PRPF18: variants seen among roughly 807,000 people sequenced by gnomAD.
The protein encoded by PRPF18 is pre-mRNA-splicing factor 18.
PRPF18 carries 38 observed loss-of-function variants against 46.5 expected under a neutral mutation model. The ratio of observed to expected loss-of-function variants is 0.82; its 90% CI spans 0.63 to 1.07. The LOEUF is 1.07. Among genes scored for constraint, PRPF18 ranks in the 50% least tolerant of loss-of-function variants. The pLI, the probability that PRPF18 is intolerant of heterozygous loss-of-function variation, is 0.00. For missense variants in PRPF18, 263 were observed against 410.0 expected, an observed-to-expected ratio of 0.64 and a Z score of 3.10; for synonymous variants, 152 against 146.7, an observed-to-expected ratio of 1.04 and a Z score of -0.26.
chr10:13,638,299 CTTTT>C, the PRPF18 span, among the ~76,000 whole-genome samples: 1 of 125,034 alleles, frequency 8.0e-6, no homozygotes. Context: ...CTTGGCTTTT[CTTTT>C]TTTTTTTTTT....
At chr10:13,592,912 A>G (rs2079985696) in intron 1 of PRPF18, among the ~76,000 whole-genome samples, 1 of 152,264 alleles carries the variant, frequency 6.6e-6, no homozygotes, top group Non-Finnish European at 1.5e-5. Context: ...TAGCGCTGGC[A>G]TAAAGAGCAA....
chr10:13,635,374 A>T (rs1352160790), downstream of PRPF18, among the ~76,000 whole-genome samples: 7 of 152,168 alleles, frequency 4.6e-5, no homozygotes, highest in African/African-American at 1.7e-4. Flanking sequence ...GTGTGTCTTT[A>T]TAATAGAATG....
intron 1 of PRPF18, among the ~76,000 whole-genome samples, chr10:13,591,213 G>T (rs746082170): frequency 3.3e-5 from 5 of 152,210 alleles, no homozygotes; most frequent in Non-Finnish European, 5.9e-5. Context: ...TAGATCTGCA[G>T]CTCTATCATT....
chr10:13,633,779 A>G (rs138386946), downstream of PRPF18, among the ~76,000 whole-genome samples: 349 of 152,320 alleles, frequency 2.3e-3, no homozygotes, highest in South Asian at 0.011. Flanking sequence ...AGTTTATCCC[A>G]TAGCAATCTA....
the PRPF18 span, chr10:13,644,657 C>T: frequency 6.6e-6 from 1 of 152,226 alleles, no homozygotes; most frequent in African/African-American, 2.4e-5. Context: ...TGATGTAGAA[C>T]ATGTAACCAT....
intron 9 of PRPF18, among the ~76,000 whole-genome samples, chr10:13,622,177 A>G (rs896439354): frequency 1.3e-5 from 2 of 152,066 alleles, no homozygotes; most frequent in African/African-American, 4.8e-5. Flanking sequence ...CCTAAAGGCA[A>G]GTTGTTGCAT....
At chr10:13,651,673 A>AAAAC in the PRPF18 span, 1 of 534,820 alleles carries the variant, frequency 1.9e-6, no homozygotes, top group African/African-American at 1.9e-5. Flanking sequence ...ACTCTGTCTC[A>AAAAC]AAACAAAACA....
chr10:13,596,843 C>A (rs1425460282), intron 1 of PRPF18, among the ~76,000 whole-genome samples: 4 of 152,016 alleles, frequency 2.6e-5, no homozygotes. Flanking sequence ...AGAGAGATAC[C>A]CTGTCTCCAA....
chr10:13,591,486 C>T (rs936221205), intron 1 of PRPF18: 1 of 650,110 alleles, frequency 1.5e-6, no homozygotes, highest in Non-Finnish European at 2.8e-6. Context: ...GGATAAATTC[C>T]ATGAGTCGGG....
chr10:13,599,383 C>T (rs1234164638), intron 2 of PRPF18, among the ~76,000 whole-genome samples: 2 of 152,056 alleles, frequency 1.3e-5, no homozygotes, highest in African/African-American at 4.8e-5. Context: ...GAGTTTCTTC[C>T]TTAATGTTGA....
chr10:13,587,343 G>T, intron 1 of PRPF18, 191 bp downstream of exon 1: 1 of 635,332 alleles, frequency 1.6e-6, no homozygotes, highest in Non-Finnish European at 2.8e-6. Flanking sequence ...GGAGAATAGG[G>T]TCTGAGAGCA....
chr10:13,597,356 A>G lies in PRPF18; in HGVS notation c.67-102A>G, dbSNP rs574630047. The G allele has an allele frequency of 5.3e-6, 4 of 758,344 alleles. No homozygotes were observed. The South Asian group carries it at 8.3e-5, about 16-fold the overall frequency. The allele number at this position is 758,344 out of a possible 1,614,324, so 47.0% of individuals were successfully genotyped here. A position where few individuals can be genotyped will look rare whatever the true frequency, so the allele number is the denominator to read the frequency against. ...ATTTATTTTATCCAATTCTTGAAAA[A>G]CTGAAGAGTGTTTCCAAAGTTTTCT... is the stretch of plus-strand genomic sequence containing the variant. On this transcript the variant is annotated intron_variant, in intron 1 of 9. Transcript: ENST00000378572.
chr10:13,650,410 GAGCATGAACTC>G, the PRPF18 span, among the ~76,000 whole-genome samples: 1 of 150,312 alleles, frequency 6.7e-6, no homozygotes, highest in African/African-American at 2.5e-5. Context: ...ATGTATGCAT[GAGCATGAACTC>G]GTGTATGTAT....
intron 1 of PRPF18, among the ~76,000 whole-genome samples, chr10:13,589,523 A>G (rs982857983): frequency 1.3e-5 from 2 of 152,218 alleles, no homozygotes; most frequent in African/African-American, 2.4e-5. Flanking sequence ...CTGCAGTGGC[A>G]GTTTAGAGTC....
the PRPF18 span, chr10:13,642,762 C>G: frequency 6.6e-6 from 1 of 152,046 alleles, no homozygotes; most frequent in South Asian, 2.1e-4. Context: ...TTGAGATGGC[C>G]TGGTTGCTTC....
chr10:13,612,438 T>A (rs2080282567), intron 6 of PRPF18, among the ~76,000 whole-genome samples: 2 of 151,350 alleles, frequency 1.3e-5, no homozygotes, highest in African/African-American at 4.9e-5. Flanking sequence ...TTGTATTTTT[T>A]ATTTATTTAT....
At chr10:13,654,529 C>T in the PRPF18 span, 2 of 1,538,712 alleles carry the variant, frequency 1.3e-6, no homozygotes, top group Admixed American at 1.7e-5. Flanking sequence ...GCAGGTGGTG[C>T]AAGAAAGGCA....
intron 8 of PRPF18, 81 bp from the exon 9 acceptor site, chr10:13,616,317 G>A: frequency 7.2e-7 from 1 of 1,383,534 alleles, no homozygotes; most frequent in Middle Eastern, 1.8e-4. Context: ...CATCATAAAG[G>A]GCTGTGAAAT....
intron 1 of PRPF18, among the ~76,000 whole-genome samples, chr10:13,588,886 C>A (rs556168323): frequency 4.9e-4 from 74 of 152,268 alleles, no homozygotes; most frequent in African/African-American, 1.8e-3. Flanking sequence ...TCTTGAAGGA[C>A]TTTTGTTTAT....
Sources: gnomAD v4.1 joint callset for allele counts (sites outside exome capture counted in the v4.1 genomes callset) on GRCh38, gnomAD v4.1.1 for gene constraint, MANE v1.5 for transcripts, NCBI Gene and HGNC (gene_info 2026-07-23, HGNC 2026-07-21) for gene names.